The following HECW2 variants were observed in gnomAD, a reference collection of about 807,000 sequenced individuals.
HECW2 encodes the protein HECT, C2 and WW domain containing E3 ubiquitin protein ligase 2.
HECW2 carries 61 observed loss-of-function variants against 175.2 expected under a neutral mutation model. The observed-to-expected ratio is 0.35, with a 90% CI of 0.28 to 0.43. HECW2 has a LOEUF of 0.43. HECW2 is among the 20% of genes least tolerant of loss of function. HECW2 has a pLI of 1.00. For missense variants in HECW2, 1,524 were observed against 2,000.5 expected (o/e 0.76, Z 4.54); for synonymous variants, 671 against 731.0 (o/e 0.92, Z 1.32).
Position 196,506,022 on chromosome 2 carries a change from T to C in HECW2, c.-35-72564A>G, listed in dbSNP as rs538937371. 2.6e-5 allele frequency among the ~76,000 whole-genome samples: 4 copies of C among 152,034 alleles called. No homozygotes were observed. The South Asian group carries it at 6.2e-4, about 24-fold the overall frequency. ...GCAGGGGTATCTCTCAATAAGGCAG[T>C]CGGGGAGGGATGGGGCCACGTGGGT... On this transcript the variant is annotated intron_variant, in intron 1 of 28. Transcript: ENST00000644978.
At chr2:196,245,132 A>C (rs942877014) in intron 19 of HECW2, among the ~76,000 whole-genome samples, 1 of 152,236 alleles carries the variant, frequency 6.6e-6, no homozygotes, top group African/African-American at 2.4e-5. Context: ...TGGGAAAAGA[A>C]TAGATAAGCA....
chr2:196,474,259 T>A (rs987197482), intron 1 of HECW2, among the ~76,000 whole-genome samples: 1 of 152,196 alleles, frequency 6.6e-6, no homozygotes, highest in African/African-American at 2.4e-5. Context: ...GTATTCAATA[T>A]CTTTTGGGGA....
At chr2:196,531,661 CA>C (rs1168825418) in intron 1 of HECW2, among the ~76,000 whole-genome samples, 12 of 100,116 alleles carry the variant, frequency 1.2e-4, no homozygotes, top group Non-Finnish European at 2.1e-4. Context: ...GACTCTGTCT[CA>C]AAAAAAAAAC....
At chr2:196,484,561 A>G (rs1686941356) in intron 1 of HECW2, among the ~76,000 whole-genome samples, 1 of 152,152 alleles carries the variant, frequency 6.6e-6, no homozygotes, top group Non-Finnish European at 1.5e-5. Flanking sequence ...CCCAGCAGCC[A>G]AATCCACAAA....
chr2:196,275,553 A>T (rs192670954), intron 15 of HECW2, among the ~76,000 whole-genome samples: 11 of 152,230 alleles, frequency 7.2e-5, no homozygotes, highest in Admixed American at 4.6e-4. Flanking sequence ...ACAGATCGAG[A>T]CCATCCTGGC....
intron 5 of HECW2, among the ~76,000 whole-genome samples, chr2:196,328,815 T>C (rs898523966): frequency 2.0e-5 from 3 of 152,202 alleles, no homozygotes; most frequent in Non-Finnish European, 2.9e-5. Context: ...TGACTACCAA[T>C]TTATTTTCTA....
chr2:196,505,224 G>A (rs994478711), intron 1 of HECW2, among the ~76,000 whole-genome samples: 1 of 152,110 alleles, frequency 6.6e-6, no homozygotes, highest in Non-Finnish European at 1.5e-5. Context: ...TAAGAATTAA[G>A]ACAAAAACAG....
rs751518514 is a variant in HECW2 at position 196,319,167 on chromosome 2, G to T, written c.1723C>A (p.Gln575Lys). 1 of 1,595,518 alleles carries T rather than the reference G, an allele frequency of 6.3e-7. No individual in the cohort carries two copies. Among genetic ancestry groups the T allele is most frequent in the Non-Finnish European group, 8.5e-7 (1 of 1,169,984 alleles). ...AELCGSQEVDQPTSGADTGTS... is the reference protein window; with the variant it reads ...AELCGSQEVDKPTSGADTGTS... Reference sequence around the variant, plus strand: ...CCTGTGTCTGCGCCACTTGTGGGCTGATCTACCTCTTGAGAGCCACACAGT... The same window carrying T: ...CCTGTGTCTGCGCCACTTGTGGGCTTATCTACCTCTTGAGAGCCACACAGT... The change falls in exon 9 of 29, where the codon CAG becomes AAG. Residue 575 changes from glutamine to lysine, a missense_variant. Around this residue, in one of 11 missense-constraint regions of HECW2, gnomAD observed 604 missense variants for 588.3 expected, o/e 1.03. Coordinates refer to ENST00000644978, the MANE Select transcript of HECW2 (RefSeq NM_001348768.2).
rs1686782505 is a variant in HECW2 at position 196,199,284 on chromosome 2, C to A, written c.*1993G>T. The A allele has an allele frequency of 6.6e-6, 1 of 152,570 alleles. No individual in the cohort carries two copies. The highest frequency in any genetic ancestry group is 1.5e-5 in the Non-Finnish European group (1 of 68,014). 9.5% of individuals were successfully genotyped at this position (152,570 alleles called of 1,614,324 possible). ...TTAAATATATACTTGTATTCATGAT[C>A]AATAAGTACAAACTAACATTTCCAG... On this transcript the variant is annotated 3_prime_UTR_variant, in exon 29 of 29. Coordinates refer to ENST00000644978, the MANE Select transcript of HECW2 (RefSeq NM_001348768.2).
At chr2:196,273,049 ATTTTTTTTTTTTTT>A (rs778348590) in intron 16 of HECW2, among the ~76,000 whole-genome samples, 7 of 113,138 alleles carry the variant, frequency 6.2e-5, no homozygotes, top group African/African-American at 2.3e-4. Flanking sequence ...AGCTGGTCTA[ATTTTTTTTTTTTTT>A]TTTTTTTTTT....
At chr2:196,484,656 C>T (rs1461011937) in intron 1 of HECW2, among the ~76,000 whole-genome samples, 2 of 152,128 alleles carry the variant, frequency 1.3e-5, no homozygotes, top group Non-Finnish European at 2.9e-5. Flanking sequence ...GGCTCTTGTT[C>T]ATCTCCTAAA....
chr2:196,337,796 T>C (rs1692606804), intron 3 of HECW2, among the ~76,000 whole-genome samples: 1 of 152,168 alleles, frequency 6.6e-6, no homozygotes, highest in African/African-American at 2.4e-5. Context: ...GGACCTGATA[T>C]CGGCTGAGCC....
intron 2 of HECW2, 82 bp from the exon 3 acceptor site, chr2:196,343,846 A>G: frequency 1.1e-6 from 1 of 885,104 alleles, no homozygotes; most frequent in Non-Finnish European, 1.9e-6. Flanking sequence ...GTTCTAAAAT[A>G]AATGGAAAAA....
chr2:196,368,569 A>G (rs1575469171), intron 2 of HECW2, among the ~76,000 whole-genome samples: 2 of 152,164 alleles, frequency 1.3e-5, no homozygotes, highest in Non-Finnish European at 2.9e-5. Context: ...TAAACTTTCT[A>G]CCACTATCTC....
intron 14 of HECW2, among the ~76,000 whole-genome samples, chr2:196,286,473 T>C (rs1248486798): frequency 6.7e-6 from 1 of 149,598 alleles, no homozygotes; most frequent in Non-Finnish European, 1.5e-5. Flanking sequence ...ACTTAGGCAA[T>C]TCCTTCAAGA....
intron 10 of HECW2, among the ~76,000 whole-genome samples, chr2:196,311,938 A>G (rs1691512054): frequency 6.6e-6 from 1 of 152,218 alleles, no homozygotes; most frequent in Non-Finnish European, 1.5e-5. Flanking sequence ...GGAGAATTAG[A>G]AAGTGGGTAA....
chr2:196,355,602 GAC>G (rs1373216006), intron 2 of HECW2, among the ~76,000 whole-genome samples: 1 of 152,098 alleles, frequency 6.6e-6, no homozygotes, highest in African/African-American at 2.4e-5. Context: ...AAGCCTCAAA[GAC>G]AGAATGAAAA....
intron 1 of HECW2, among the ~76,000 whole-genome samples, chr2:196,498,309 C>T (rs534094953): frequency 4.6e-5 from 7 of 152,188 alleles, no homozygotes; most frequent in Admixed American, 3.3e-4. Flanking sequence ...ATGTAAATAT[C>T]TTATTGCATG....
rs545198456 is a variant in HECW2 at position 196,390,794 on chromosome 2, T to G, written c.292+42338A>C. Among the ~76,000 whole-genome samples the G allele has an allele frequency of 2.6e-5, 4 of 152,330 alleles. No homozygotes were observed. The South Asian group carries it at 8.3e-4, about 32-fold the overall frequency. On this transcript the variant is annotated intron_variant, in intron 2 of 28. Transcript: ENST00000644978. ...ATAAGATGCTTGGAGATAAGTAGAT[T>G]AAGACATCACAACAGGCAGGAATGT...
Sources: allele counts gnomAD v4.1 joint callset (sites outside exome capture counted in the v4.1 genomes callset), GRCh38; gene constraint gnomAD v4.1.1; regional missense constraint gnomAD v4.1.1; transcripts MANE v1.5; gene names NCBI Gene and HGNC (gene_info 2026-07-23, HGNC 2026-07-21).